CCNDBP1: variants seen among roughly 807,000 people sequenced by gnomAD.
The protein encoded by CCNDBP1 is cyclin-D1-binding protein 1.
CCNDBP1 carries 45 observed loss-of-function variants against 46.2 expected under a neutral mutation model. The ratio of observed to expected loss-of-function variants is 0.97; its 90% CI spans 0.77 to 1.25. CCNDBP1 has a LOEUF of 1.25. Ranked by LOEUF, CCNDBP1 falls within the 50% of genes most tolerant of loss-of-function variation. The pLI, the probability that CCNDBP1 is intolerant of heterozygous loss-of-function variation, is 0.00. For synonymous variants in CCNDBP1, 154 were observed against 163.6 expected, an observed-to-expected ratio of 0.94 and a Z score of 0.45; for missense variants, 436 against 442.1, an observed-to-expected ratio of 0.99 and a Z score of 0.12.
Position 43,185,508 on chromosome 15 carries a change from G to C in CCNDBP1, c.10G>C (p.Ala4Pro), listed in dbSNP as rs752644288. Residue 4 changes from alanine (A) to proline (P), a missense_variant, in exon 1 of 11, where the codon GCA becomes CCA. By Grantham distance (27) the Ala-to-Pro change is conservative (BLOSUM62 -1). Coordinates refer to ENST00000300213, the MANE Select transcript of CCNDBP1 (RefSeq NM_012142.5). Reference protein sequence around the residue: MASATAPAAAVPTL... With the variant: MASPTAPAAAVPTL... ...TCGGCAAGCGACTGAGATGGCGAGCGCAACTGCACCTGCAGCCGCAGTCCC... is the reference window on the plus strand; with the variant it reads ...TCGGCAAGCGACTGAGATGGCGAGCCCAACTGCACCTGCAGCCGCAGTCCC... 13 of 1,591,936 alleles carry C rather than the reference G, an allele frequency of 8.2e-6. No homozygotes were observed. Among genetic ancestry groups the C allele is most frequent in the Non-Finnish European group, 1.1e-5 (13 of 1,172,516 alleles).
chr15:43,188,024 T>C (rs1162611542), intron 3 of CCNDBP1, among the ~76,000 whole-genome samples: 1 of 152,142 alleles, frequency 6.6e-6, no homozygotes, highest in African/African-American at 2.4e-5. Flanking sequence ...GTTTTTTAAA[T>C]TCCAATCTGT....
chr15:43,197,121 G>A lies in CCNDBP1; in HGVS notation c.*2280G>A. ...GTGGAAGCAGCCTGAAGCCCTCACT[G>A]TTTCTTGTACAGCCTGCAGAGCCGT... On this transcript the variant is annotated 3_prime_UTR_variant, in exon 11 of 11. Coordinates refer to ENST00000300213, the MANE Select transcript of CCNDBP1 (RefSeq NM_012142.5). The A allele has an allele frequency of 3.7e-6, 3 of 806,844 alleles. No homozygotes were observed. The highest frequency in any genetic ancestry group is 5.9e-6 in the Non-Finnish European group (3 of 507,598). 50.0% of individuals were successfully genotyped at this position (806,844 alleles called of 1,614,324 possible).
Position 43,189,270 on chromosome 15 carries a change from A to T in CCNDBP1, c.321A>T (p.Pro107=). Residue 107 remains proline, a synonymous_variant, in exon 4 of 11, where the codon CCA becomes CCT. Coordinates refer to ENST00000300213, the MANE Select transcript of CCNDBP1 (RefSeq NM_012142.5). The part of the protein sequence containing the change: ...KAFIAVYYLL[P]KDQGITLRKL... ...TTATTGCAGTGTACTATTTGCTTCC[A>T]AAGGATCAGGGTAAGCCACATAAGT... The T allele has an allele frequency of 6.2e-7, 1 of 1,602,716 alleles. No individual in the cohort carries two copies. The highest frequency in any genetic ancestry group is 8.5e-7 in the Non-Finnish European group (1 of 1,170,962).
Position 43,194,883 on chromosome 15 carries a change from T to C in CCNDBP1, c.*42T>C, listed in dbSNP as rs777269111. 1.6e-6 allele frequency: 2 copies of C among 1,269,426 alleles called. No homozygotes were observed. The highest frequency in any genetic ancestry group is 2.3e-6 in the Non-Finnish European group (2 of 867,908). The allele number at this position is 1,269,426 out of a possible 1,614,324, so 78.6% of individuals were successfully genotyped here. On this transcript the variant is annotated 3_prime_UTR_variant, in exon 11 of 11. Transcript: ENST00000300213. ...GTACTCTCTTCCCCTCTCATCGTCA[T>C]GGTCAGGCTCTGATACCTGCTTTTA...
At chr15:43,193,028 G>T in intron 9 of CCNDBP1, 1 of 539,988 alleles carries the variant, frequency 1.9e-6, no homozygotes, top group South Asian at 2.5e-5. Flanking sequence ...TAATCACCTG[G>T]GTAATCATTC....
intron 3 of CCNDBP1, 121 bp from the exon 4 acceptor site, chr15:43,189,078 A>AG: frequency 4.6e-6 from 1 of 219,030 alleles, no homozygotes; most frequent in Non-Finnish European, 7.7e-6. Flanking sequence ...ACTCTGTCTC[A>AG]AAAAAAAAAA....
At chr15:43,191,795 T>G (rs1476145039) in intron 8 of CCNDBP1, 120 bp downstream of exon 8, 1 of 1,161,140 alleles carries the variant, frequency 8.6e-7, no homozygotes, top group Admixed American at 2.7e-5. Flanking sequence ...TATAGGAAAG[T>G]TTAAAAAGTA....
chr15:43,192,225 G>A (rs1032286876), intron 8 of CCNDBP1, among the ~76,000 whole-genome samples: 2 of 152,096 alleles, frequency 1.3e-5, no homozygotes, highest in Non-Finnish European at 2.9e-5. Flanking sequence ...CAGTTGTCTT[G>A]TAAAATATCC....
chr15:43,193,952 A>G, intron 9 of CCNDBP1: 1 of 260,250 alleles, frequency 3.8e-6, no homozygotes, highest in Non-Finnish European at 7.6e-6. Flanking sequence ...CAATTTTAAA[A>G]TGTGTACTGC....
rs1254931365 is a variant in CCNDBP1 at position 43,185,820 on chromosome 15, T to G, written c.110T>G (p.Val37Gly). The change falls in exon 2 of 11, where the codon GTC becomes GGC. Residue 37 changes from valine (V) to glycine (G), a missense_variant and splice_region_variant. Val to Gly is a moderately radical substitution (Grantham distance 109). Coordinates refer to ENST00000300213, the MANE Select transcript of CCNDBP1 (RefSeq NM_012142.5). ...GGCCCCCACACGCCACACCCACAAG[T>G]CGGCGAAGCCCAGGAGACCACCGAG... ...ELRLLLPRVR[V>G]GEAQETTEEF... is the part of the protein sequence containing the mutation. 6.2e-7 allele frequency: 1 copy of G among 1,610,774 alleles called. No homozygotes were observed. The highest frequency in any genetic ancestry group is 1.3e-5 in the African/African-American group (1 of 75,040).
chr15:43,185,991 C>CT (rs1213474403), intron 2 of CCNDBP1, 112 bp downstream of exon 2: 8 of 1,212,916 alleles, frequency 6.6e-6, no homozygotes, highest in Non-Finnish European at 9.5e-6. Context: ...TGCATCCTTT[C>CT]TGTGAGGTAC....
chr15:43,192,980 A>G, intron 9 of CCNDBP1, 177 bp downstream of exon 9: 1 of 610,932 alleles, frequency 1.6e-6, no homozygotes, highest in South Asian at 2.0e-5. Context: ...CTGAAGTTGA[A>G]TTATAATAGC....
chr15:43,192,745 T>G lies in CCNDBP1; in HGVS notation c.863T>G (p.Val288Gly). The G allele has an allele frequency of 6.2e-7, 1 of 1,614,124 alleles. No homozygotes were observed. The highest frequency in any genetic ancestry group is 8.5e-7 in the Non-Finnish European group (1 of 1,179,982). Residue 288 changes from valine to glycine, a missense_variant and splice_region_variant, in exon 9 of 11, where the codon GTG becomes GGG. Physicochemically the swap from Val to Gly is moderately radical, Grantham distance 109 (BLOSUM62 -3). Coordinates refer to ENST00000300213, the MANE Select transcript of CCNDBP1 (RefSeq NM_012142.5). The part of the protein sequence containing the change: ...VDISDEISPS[V>G]DDLALSIYPP... Reference sequence around the variant, plus strand: ...TTACTTTTGTTTTCTGCTCTTAGTGTGGATGATTTGGCTCTGAGCATATAT... The same window carrying G: ...TTACTTTTGTTTTCTGCTCTTAGTGGGGATGATTTGGCTCTGAGCATATAT...
chr15:43,192,101 T>A (rs2041962321), intron 8 of CCNDBP1, among the ~76,000 whole-genome samples: 1 of 152,168 alleles, frequency 6.6e-6, no homozygotes, highest in Non-Finnish European at 1.5e-5. Context: ...AAATTCAGGG[T>A]TCTGTCAAGG....
At chr15:43,189,331 G>T in intron 4 of CCNDBP1, 51 bp downstream of exon 4, 1 of 1,061,380 alleles carries the variant, frequency 9.4e-7, no homozygotes, top group Non-Finnish European at 1.4e-6. Flanking sequence ...CTAATATTGT[G>T]GATTATGTCT....
chr15:43,186,061 T>C, intron 2 of CCNDBP1, 93 bp from the exon 3 acceptor site: 1 of 1,301,202 alleles, frequency 7.7e-7, no homozygotes, highest in South Asian at 1.2e-5. Context: ...ATTCGGGAAG[T>C]GTTTTTGAGA....
chr15:43,185,488 A>C lies in CCNDBP1; in HGVS notation c.-11A>C. The C allele has an allele frequency of 6.3e-7, 1 of 1,577,000 alleles. No individual in the cohort carries two copies. On this transcript the variant is annotated 5_prime_UTR_variant, in exon 1 of 11. Transcript: ENST00000300213. ...GAGGCCTGTGTTTGCGGCCTTCGGC[A>C]AGCGACTGAGATGGCGAGCGCAACT...
intron 3 of CCNDBP1, among the ~76,000 whole-genome samples, chr15:43,187,867 A>G (rs900454404): frequency 6.6e-6 from 1 of 152,174 alleles, no homozygotes; most frequent in Non-Finnish European, 1.5e-5. Context: ...TCAAGTATAT[A>G]CATATATTCA....
At chr15:43,192,124 TTTAA>T (rs2041963252) in intron 8 of CCNDBP1, among the ~76,000 whole-genome samples, 1 of 152,254 alleles carries the variant, frequency 6.6e-6, no homozygotes, top group African/African-American at 2.4e-5. Flanking sequence ...CCACATTGCA[TTTAA>T]TTGTCATCTC....
Sources: gnomAD v4.1 joint callset for allele counts (sites outside exome capture counted in the v4.1 genomes callset) on GRCh38, gnomAD v4.1.1 for gene constraint, MANE v1.5 for transcripts, NCBI Gene and HGNC (gene_info 2026-07-23, HGNC 2026-07-21) for gene names.